The following CIMIP6 variants were observed in gnomAD, a reference collection of about 807,000 sequenced individuals.
The protein encoded by CIMIP6 is ciliary microtubule inner protein 6, also known as uncharacterized protein C2orf73.
chr2:54,374,952 CT>C, the CIMIP6 span, among the ~76,000 whole-genome samples: 6 of 152,288 alleles, frequency 3.9e-5, no homozygotes, highest in East Asian at 1.2e-3. Flanking sequence ...AATTATTTTT[CT>C]GTTTTGCTTC....
the CIMIP6 span, among the ~76,000 whole-genome samples, chr2:54,365,106 G>T: frequency 2.0e-5 from 3 of 152,144 alleles, no homozygotes; most frequent in East Asian, 3.8e-4. Context: ...GAAGAGCTTT[G>T]CTGCTGTGAA....
chr2:54,334,241 C>T, the CIMIP6 span, among the ~76,000 whole-genome samples: 4 of 151,884 alleles, frequency 2.6e-5, no homozygotes, highest in African/African-American at 4.8e-5. Context: ...TAGTAATTTT[C>T]GTATTTGTAA....
At chr2:54,379,261 T>A in the CIMIP6 span, among the ~76,000 whole-genome samples, 2 of 152,176 alleles carry the variant, frequency 1.3e-5, no homozygotes, top group Non-Finnish European at 2.9e-5. Context: ...CCCCTAACAA[T>A]GCCTCCTCAT....
the CIMIP6 span, among the ~76,000 whole-genome samples, chr2:54,373,908 A>G: frequency 6.6e-6 from 1 of 152,116 alleles, no homozygotes; most frequent in Non-Finnish European, 1.5e-5. Context: ...TCACATATTT[A>G]TCTTCCTAAT....
chr2:54,347,445 G>A, the CIMIP6 span, among the ~76,000 whole-genome samples: 1 of 152,250 alleles, frequency 6.6e-6, no homozygotes, highest in Non-Finnish European at 1.5e-5. Context: ...TGATGAACTG[G>A]TTAAAATATG....
At chr2:54,354,201 C>G in the CIMIP6 span, among the ~76,000 whole-genome samples, 8 of 152,104 alleles carry the variant, frequency 5.3e-5, no homozygotes, top group African/African-American at 1.9e-4. Context: ...TTACGTTACT[C>G]AGGTTAATTT....
the CIMIP6 span, chr2:54,383,663 G>A: frequency 9.3e-5 from 14 of 150,924 alleles, no homozygotes; most frequent in East Asian, 3.9e-4. Context: ...ATAATTATTC[G>A]CGTAAATATA....
the CIMIP6 span, among the ~76,000 whole-genome samples, chr2:54,347,090 A>G: frequency 2.4e-4 from 37 of 152,338 alleles, no homozygotes; most frequent in South Asian, 7.7e-3. Flanking sequence ...TATTTTAATT[A>G]TATATTCTTG....
At chr2:54,356,595 A>G in the CIMIP6 span, among the ~76,000 whole-genome samples, 2 of 152,080 alleles carry the variant, frequency 1.3e-5, no homozygotes, top group Admixed American at 6.5e-5. Context: ...CCTTTTGTCA[A>G]GATACAAAAG....
At chr2:54,378,398 A>G in the CIMIP6 span, among the ~76,000 whole-genome samples, 1 of 152,266 alleles carries the variant, frequency 6.6e-6, no homozygotes, top group Admixed American at 6.5e-5. Context: ...GGAGTTTAAA[A>G]TAACATTTTT....
chr2:54,343,844 G>A, the CIMIP6 span: 2 of 1,607,158 alleles, frequency 1.2e-6, no homozygotes, highest in South Asian at 2.2e-5. Context: ...GTCAAACACA[G>A]CAAGATGCAA....
chr2:54,379,826 A>T, the CIMIP6 span, among the ~76,000 whole-genome samples: 9 of 151,370 alleles, frequency 5.9e-5, no homozygotes, highest in Admixed American at 5.3e-4. Context: ...AAAAAAAAAA[A>T]GGAAGCCGAG....
the CIMIP6 span, among the ~76,000 whole-genome samples, chr2:54,365,081 A>G: frequency 6.6e-6 from 1 of 152,176 alleles, no homozygotes; most frequent in Admixed American, 6.5e-5. Context: ...AGCTGTGCAA[A>G]GAGCCAGGAT....
chr2:54,370,272 A>G, the CIMIP6 span, among the ~76,000 whole-genome samples: 1 of 152,118 alleles, frequency 6.6e-6, no homozygotes, highest in African/African-American at 2.4e-5. Context: ...GAGAAAGGAA[A>G]AAGACAAGAG....
chr2:54,360,586 T>G, the CIMIP6 span: 1 of 1,457,210 alleles, frequency 6.9e-7, no homozygotes, highest in Non-Finnish European at 9.1e-7. Flanking sequence ...GATAAAAATC[T>G]AATCCCTGGA....
chr2:54,354,682 C>T, the CIMIP6 span, among the ~76,000 whole-genome samples: 4 of 151,684 alleles, frequency 2.6e-5, no homozygotes, highest in Admixed American at 2.0e-4. Context: ...TACATTTATC[C>T]GATGTCTGTT....
the CIMIP6 span, among the ~76,000 whole-genome samples, chr2:54,360,008 C>T: frequency 6.6e-6 from 1 of 152,130 alleles, no homozygotes; most frequent in African/African-American, 2.4e-5. Flanking sequence ...TTCTGATGCA[C>T]CCTATTTTAT....
At chr2:54,357,877 G>A in the CIMIP6 span, among the ~76,000 whole-genome samples, 3 of 151,826 alleles carry the variant, frequency 2.0e-5, no homozygotes, top group Admixed American at 6.6e-5. Flanking sequence ...GGGCTACTGC[G>A]CCCAGCCACA....
chr2:54,368,554 T>G, the CIMIP6 span, among the ~76,000 whole-genome samples: 1 of 152,228 alleles, frequency 6.6e-6, no homozygotes, highest in East Asian at 1.9e-4. Flanking sequence ...GACCTTGGAA[T>G]GTCCTGCGTG....
Sources: allele counts gnomAD v4.1 joint callset (sites outside exome capture counted in the v4.1 genomes callset), GRCh38; gene constraint gnomAD v4.1.1; transcripts MANE v1.5; gene names NCBI Gene and HGNC (gene_info 2026-07-23, HGNC 2026-07-21).